Variants in DCDC2 observed in about 807,000 individuals in gnomAD.
DCDC2 encodes the protein doublecortin domain-containing protein 2.
Under a neutral mutation model 50.2 loss-of-function variants are expected in DCDC2, and 40 were observed. The ratio of observed to expected loss-of-function variants is 0.80; its 90% confidence interval spans 0.62 to 1.04. The LOEUF (loss-of-function observed/expected upper bound fraction) is 1.04, where lower values mean the gene tolerates loss of function less well. Ranked by LOEUF, DCDC2 falls within the 50% of genes least tolerant of loss-of-function variation. DCDC2 has a pLI of 0.00. For synonymous variants in DCDC2, 234 were observed against 210.6 expected, an observed-to-expected ratio of 1.11 and a Z score of -0.96; for missense variants, 570 against 581.9, an observed-to-expected ratio of 0.98 and a Z score of 0.21.
intron 7 of DCDC2, among the ~76,000 whole-genome samples, chr6:24,232,164 T>C (rs978360545): frequency 2.0e-5 from 3 of 152,148 alleles, no homozygotes; most frequent in Admixed American, 6.5e-5. Flanking sequence ...ATCAGGAATA[T>C]CCATGCACTC....
chr6:24,178,678 G>T (rs1205470222), intron 8 of DCDC2, 46 bp from the exon 9 acceptor site: 5 of 1,540,874 alleles, frequency 3.2e-6, no homozygotes, highest in South Asian at 1.2e-5. Context: ...AAGCATAACA[G>T]AACATTTCCA....
chr6:24,359,390 T>C (rs1581672545), upstream of DCDC2, among the ~76,000 whole-genome samples: 4 of 80,084 alleles, frequency 5.0e-5, no homozygotes, highest in Non-Finnish European at 6.4e-5. Context: ...TTATATATTA[T>C]ATATTATATA....
intron 2 of DCDC2, among the ~76,000 whole-genome samples, chr6:24,343,079 G>A (rs1283790582): frequency 3.5e-5 from 5 of 142,126 alleles, no homozygotes; most frequent in African/African-American, 5.4e-5. Flanking sequence ...TTGAGACAGA[G>A]TCTCTTTCTG....
chr6:24,180,692 T>C (rs2113741317), intron 8 of DCDC2, among the ~76,000 whole-genome samples: 1 of 152,184 alleles, frequency 6.6e-6, no homozygotes. Flanking sequence ...TAATTCTCCT[T>C]CCCTGTAAAA....
intron 6 of DCDC2, among the ~76,000 whole-genome samples, chr6:24,283,440 TTCTC>T (rs997325422): frequency 6.8e-6 from 1 of 147,862 alleles, no homozygotes; most frequent in Non-Finnish European, 1.5e-5. Flanking sequence ...CTTTCTCTCT[TTCTC>T]TCTCAAGCTC....
chr6:24,259,357 G>A (rs1762962396), intron 7 of DCDC2, among the ~76,000 whole-genome samples: 1 of 152,158 alleles, frequency 6.6e-6, no homozygotes, highest in African/African-American at 2.4e-5. Flanking sequence ...TGAAAGTTTT[G>A]TTGTTTACTA....
intron 7 of DCDC2, among the ~76,000 whole-genome samples, chr6:24,236,121 C>A (rs1762435701): frequency 6.6e-6 from 1 of 151,914 alleles, no homozygotes; most frequent in African/African-American, 2.4e-5. Context: ...CAAAATGGAA[C>A]CCAAATAGCC....
In DCDC2 at chr6:24,260,833, G is replaced by A. The variant is rs981750028; in HGVS notation, c.922+17216C>T. The stretch of plus-strand genomic sequence containing the variant: ...CCATTTGTCAATGATGGTGCTCAAT[G>A]GTTCAAGTTTTTGTCCTGGGAGGCT... On this transcript the variant is annotated intron_variant, in intron 7 of 9. Coordinates refer to ENST00000378454, the MANE Select transcript of DCDC2 (RefSeq NM_016356.5). 3.9e-5 allele frequency among the ~76,000 whole-genome samples: 6 copies of A among 152,298 alleles called. No homozygotes were observed. In the East Asian group the frequency reaches 5.8e-4, roughly 15 times the overall value.
At chr6:24,264,543 G>C (rs9379649) in intron 7 of DCDC2, among the ~76,000 whole-genome samples, 79,423 of 151,824 alleles carry the variant, frequency 0.52, 25,251 homozygotes, top group East Asian at 0.78. Context: ...TTAGTGCTAA[G>C]TTGTCATTTG....
intron 5 of DCDC2, among the ~76,000 whole-genome samples, chr6:24,289,390 A>C (rs807716): frequency 0.98 from 149,937 of 152,302 alleles, 73,834 homozygotes; most frequent in Middle Eastern, 1. Context: ...GTTAAAAATT[A>C]TTTTAGGCTG....
chr6:24,196,430 T>C (rs1738205090), intron 8 of DCDC2, among the ~76,000 whole-genome samples: 1 of 152,164 alleles, frequency 6.6e-6, no homozygotes, highest in African/African-American at 2.4e-5. Flanking sequence ...CTTATCCAGT[T>C]TCTTTTTTGA....
At chr6:24,369,186 A>G in the DCDC2 span, among the ~76,000 whole-genome samples, 1 of 152,012 alleles carries the variant, frequency 6.6e-6, no homozygotes, top group Non-Finnish European at 1.5e-5. Flanking sequence ...AAATGGGGAA[A>G]AGAGTAATCA....
At chr6:24,358,805 AT>A (rs1183774468), upstream of DCDC2, among the ~76,000 whole-genome samples, 3 of 48,428 alleles carry the variant, frequency 6.2e-5, no homozygotes, top group African/African-American at 2.1e-4. Flanking sequence ...TATTTTATAT[AT>A]TATATATAAA....
intron 2 of DCDC2, among the ~76,000 whole-genome samples, chr6:24,314,923 A>G (rs1342537152): frequency 1.3e-5 from 2 of 152,176 alleles, no homozygotes; most frequent in African/African-American, 4.8e-5. Context: ...AAACTGATAT[A>G]CTAGTGCTAA....
In DCDC2 at chr6:24,205,110, G is replaced by T. The variant is rs1313039709; in HGVS notation, c.923-8C>A. The T allele has an allele frequency of 1.2e-6, 2 of 1,614,116 alleles. No homozygotes were observed. The highest frequency in any genetic ancestry group is 2.2e-5 in the South Asian group (2 of 91,078). On this transcript the variant is annotated splice_region_variant and splice_polypyrimidine_tract_variant and intron_variant, in intron 7 of 9. Coordinates refer to ENST00000378454, the MANE Select transcript of DCDC2 (RefSeq NM_016356.5). ...CTTTGAAAATGCCTTCATCTATTGA[G>T]ACAAACACACAGTGAAAATCAAAAT...
intron 8 of DCDC2, among the ~76,000 whole-genome samples, chr6:24,192,845 C>A (rs1288979420): frequency 6.6e-6 from 1 of 151,374 alleles, no homozygotes; most frequent in Non-Finnish European, 1.5e-5. Flanking sequence ...AGAAAATTAT[C>A]AAAGAAACAA....
the DCDC2 span, among the ~76,000 whole-genome samples, chr6:24,378,768 T>C: frequency 1.3e-5 from 2 of 152,022 alleles, no homozygotes; most frequent in African/African-American, 4.8e-5. Context: ...TTCTAATTCC[T>C]CCCACTGAGG....
At chr6:24,246,473 CTTTTTCTTTTT>C (rs1762674491) in intron 7 of DCDC2, among the ~76,000 whole-genome samples, 2 of 62,230 alleles carry the variant, frequency 3.2e-5, no homozygotes, top group African/African-American at 1.0e-4. Context: ...AAGTCTTTTT[CTTTTTCTTTTT>C]TTTTTTTTTT....
At chr6:24,184,149 C>G (rs889326815) in intron 8 of DCDC2, among the ~76,000 whole-genome samples, 1 of 152,178 alleles carries the variant, frequency 6.6e-6, no homozygotes, top group Non-Finnish European at 1.5e-5. Context: ...AGTCTTGTCC[C>G]AAAGTCCTAG....
Sources: allele counts gnomAD v4.1 joint callset (sites outside exome capture counted in the v4.1 genomes callset), GRCh38; gene constraint gnomAD v4.1.1; transcripts MANE v1.5; gene names NCBI Gene and HGNC (gene_info 2026-07-23, HGNC 2026-07-21).